Variants in FAM13A observed in about 807,000 individuals in gnomAD.
The protein encoded by FAM13A is protein FAM13A.
Under a neutral mutation model 129.6 loss-of-function variants are expected in FAM13A, and 76 were observed. The ratio of observed to expected loss-of-function variants is 0.59; its 90% CI spans 0.49 to 0.71. FAM13A has a LOEUF of 0.71. Among genes scored for constraint, FAM13A ranks in the 30% least tolerant of loss-of-function variants. The pLI, the probability that FAM13A is intolerant of heterozygous loss-of-function variation, is 0.00. For missense variants in FAM13A, 1,108 were observed against 1,249.3 expected, an observed-to-expected ratio of 0.89 and a Z score of 1.70; for synonymous variants, 443 against 449.9, an observed-to-expected ratio of 0.98 and a Z score of 0.20.
Position 88,876,780 on chromosome 4 carries a change from A to ATGGG in FAM13A, c.844-25601_844-25598dup, listed in dbSNP as rs370214077. Among the ~76,000 whole-genome samples the ATGGG allele has an allele frequency of 1.3e-3, 200 of 152,074 alleles. 2 individuals are homozygous for ATGGG. Among genetic ancestry groups the ATGGG allele is most frequent in the African/African-American group, 4.3e-3 (178 of 41,476 alleles). On this transcript the variant is annotated intron_variant, in intron 6 of 23. Transcript: ENST00000264344. ...CTAATTTTTTGTATTTTTAGTAGAG[A>ATGGG]TGGGGTTTCACCATGTTAGCCAGGA...
chr4:88,913,865 A>G (rs1180593977), intron 5 of FAM13A, among the ~76,000 whole-genome samples: 1 of 152,154 alleles, frequency 6.6e-6, no homozygotes, highest in East Asian at 1.9e-4. Flanking sequence ...TAATTGCCTA[A>G]TTGGCAACTC....
chr4:88,979,827 C>T (rs1406413622), intron 4 of FAM13A, among the ~76,000 whole-genome samples: 2 of 151,964 alleles, frequency 1.3e-5, no homozygotes, highest in Non-Finnish European at 2.9e-5. Flanking sequence ...AAAAATTAGC[C>T]AGGTGTGGTG....
chr4:88,797,133 T>A (rs914025771), intron 8 of FAM13A, among the ~76,000 whole-genome samples: 5 of 152,142 alleles, frequency 3.3e-5, no homozygotes, highest in South Asian at 2.1e-4. Context: ...AATTTTTTTT[T>A]AAATTTATCT....
chr4:88,865,704 C>T (rs553297126), intron 6 of FAM13A, among the ~76,000 whole-genome samples: 2 of 152,172 alleles, frequency 1.3e-5, no homozygotes, highest in African/African-American at 4.8e-5. Flanking sequence ...CTCAGCTCTG[C>T]CGTGGACAGC....
intron 19 of FAM13A, among the ~76,000 whole-genome samples, chr4:88,740,531 A>ATCTT (rs1560856822): frequency 6.6e-6 from 1 of 152,240 alleles, no homozygotes; most frequent in Non-Finnish European, 1.5e-5. Flanking sequence ...GAGATGAAGT[A>ATCTT]TCTTTGCTTC....
At chr4:88,928,282 T>C (rs951521234) in intron 5 of FAM13A, among the ~76,000 whole-genome samples, 3 of 152,172 alleles carry the variant, frequency 2.0e-5, no homozygotes, top group African/African-American at 4.8e-5. Context: ...GAATGTTCCA[T>C]GTGCTGAAGA....
chr4:88,884,305 A>T lies in FAM13A; in HGVS notation c.843+22074T>A, dbSNP rs191844754. 2.4e-3 allele frequency among the ~76,000 whole-genome samples: 367 copies of T among 152,298 alleles called. 1 individual carries two copies. The highest frequency in any genetic ancestry group is 3.6e-3 in the Non-Finnish European group (246 of 68,004). On this transcript the variant is annotated intron_variant, in intron 6 of 23. Coordinates refer to ENST00000264344, the MANE Select transcript of FAM13A (RefSeq NM_014883.4). ...CATATCAAAAAGATAACCCACTATG[A>T]TCAAGTGGGTTTCACACCAGGGATG...
intron 7 of FAM13A, among the ~76,000 whole-genome samples, chr4:88,824,103 A>G (rs965747172): frequency 1.3e-5 from 2 of 152,160 alleles, no homozygotes; most frequent in African/African-American, 4.8e-5. Flanking sequence ...TTTGGTGTAG[A>G]ATACCAGGGT....
At chr4:88,919,187 C>G (rs536736536) in intron 5 of FAM13A, among the ~76,000 whole-genome samples, 2 of 152,246 alleles carry the variant, frequency 1.3e-5, no homozygotes, top group Admixed American at 1.3e-4. Context: ...AAACAAACAT[C>G]CTGGTTAGCA....
chr4:88,817,803 G>T (rs1211423863), intron 7 of FAM13A, among the ~76,000 whole-genome samples: 6 of 152,146 alleles, frequency 3.9e-5, no homozygotes, highest in African/African-American at 1.4e-4. Flanking sequence ...TTGATGCGAT[G>T]AAATGCACTG....
chr4:89,030,895 G>A (rs1036455711), intron 1 of FAM13A, among the ~76,000 whole-genome samples: 1 of 152,110 alleles, frequency 6.6e-6, no homozygotes, highest in Non-Finnish European at 1.5e-5. Context: ...ATTTTAAATT[G>A]TGTAATCTAC....
chr4:88,842,928 A>G (rs192562119), intron 7 of FAM13A, among the ~76,000 whole-genome samples: 27 of 152,354 alleles, frequency 1.8e-4, no homozygotes, highest in Middle Eastern at 3.4e-3. Context: ...GTTCTTTAAT[A>G]ATCAAAATAC....
At chr4:88,868,319 C>T (rs187885106) in intron 6 of FAM13A, among the ~76,000 whole-genome samples, 24 of 152,296 alleles carry the variant, frequency 1.6e-4, no homozygotes, top group Admixed American at 7.2e-4. Context: ...TCCTTTGGTT[C>T]TCTCCTTGAT....
intron 5 of FAM13A, among the ~76,000 whole-genome samples, chr4:88,927,848 A>G (rs1283143306): frequency 1.3e-5 from 2 of 149,784 alleles, no homozygotes; most frequent in Non-Finnish European, 3.0e-5. Flanking sequence ...TTTTTGGGGG[A>G]TTTCTTATTT....
intron 7 of FAM13A, among the ~76,000 whole-genome samples, chr4:88,835,582 G>A (rs11097199): frequency 0.97 from 148,187 of 152,166 alleles, 72,180 homozygotes; most frequent in East Asian, 1. Flanking sequence ...TCATAATGTA[G>A]AATCAGTGGG....
chr4:88,985,902 G>A (rs1266830846), intron 4 of FAM13A, among the ~76,000 whole-genome samples: 1 of 147,884 alleles, frequency 6.8e-6, no homozygotes, highest in African/African-American at 2.5e-5. Flanking sequence ...AAAAAGCAAA[G>A]TGAAGAACAG....
intron 6 of FAM13A, among the ~76,000 whole-genome samples, chr4:88,876,894 G>A (rs189659695): frequency 5.3e-4 from 80 of 152,146 alleles, no homozygotes; most frequent in African/African-American, 1.4e-3. Flanking sequence ...CCCAGACCGC[G>A]TCACTTCTTT....
chr4:88,941,772 A>T (rs764105895), intron 4 of FAM13A, among the ~76,000 whole-genome samples: 3 of 151,956 alleles, frequency 2.0e-5, no homozygotes, highest in Non-Finnish European at 4.4e-5. Flanking sequence ...GTAATTGAGT[A>T]CTCTGATCTC....
intron 3 of FAM13A, among the ~76,000 whole-genome samples, chr4:89,015,025 G>A (rs576504907): frequency 6.6e-6 from 1 of 152,108 alleles, no homozygotes; most frequent in Admixed American, 6.6e-5. Context: ...GCGTTCCTAG[G>A]GGGTGGTCTC....
Sources: gnomAD v4.1 joint callset for allele counts (sites outside exome capture counted in the v4.1 genomes callset) on GRCh38, gnomAD v4.1.1 for gene constraint, MANE v1.5 for transcripts, NCBI Gene and HGNC (gene_info 2026-07-23, HGNC 2026-07-21) for gene names.